The following NHEJ1 variants were observed in gnomAD, a reference collection of about 807,000 sequenced individuals.
NHEJ1 encodes non-homologous end joining factor 1, also known as non-homologous end-joining factor 1.
A neutral mutation model predicts 39.4 loss-of-function variants in NHEJ1; 22 were observed. The ratio of observed to expected loss-of-function variants is 0.56; its 90% CI spans 0.40 to 0.80. The LOEUF (loss-of-function observed/expected upper bound fraction) is 0.80, where lower values mean the gene tolerates loss of function less well. Ranked by LOEUF, NHEJ1 falls within the 30% of genes least tolerant of loss-of-function variation. The pLI is 0.00. For missense variants in NHEJ1, 329 were observed against 357.1 expected (o/e 0.92, Z 0.63); for synonymous variants, 154 against 135.6 (o/e 1.14, Z -0.94).
intron 5 of NHEJ1, among the ~76,000 whole-genome samples, chr2:219,103,397 TC>T (rs768629186): frequency 6.6e-6 from 1 of 151,966 alleles, no homozygotes; most frequent in Non-Finnish European, 1.5e-5. Context: ...TGTCTCAGAC[TC>T]CCAAGTAGCT....
At chr2:219,079,671 G>A (rs1379502497) in intron 5 of NHEJ1, among the ~76,000 whole-genome samples, 5 of 152,148 alleles carry the variant, frequency 3.3e-5, no homozygotes, top group Admixed American at 2.0e-4. Flanking sequence ...AGCATTCCCT[G>A]AGGAATGAAC....
At chr2:219,142,988 T>C (rs1003274765) in intron 5 of NHEJ1, among the ~76,000 whole-genome samples, 2 of 152,204 alleles carry the variant, frequency 1.3e-5, no homozygotes, top group African/African-American at 2.4e-5. Flanking sequence ...TCAATTCTTA[T>C]TTTCCCGAGC....
chr2:219,078,391 G>A (rs1949034011), intron 5 of NHEJ1, among the ~76,000 whole-genome samples, 185 bp from the exon 6 acceptor site: 1 of 152,214 alleles, frequency 6.6e-6, no homozygotes, highest in Non-Finnish European at 1.5e-5. Flanking sequence ...CATCTCCTCT[G>A]AAGGGCAACT....
chr2:219,155,245 T>C (rs1259045343), intron 3 of NHEJ1, among the ~76,000 whole-genome samples: 1 of 151,476 alleles, frequency 6.6e-6, no homozygotes, highest in East Asian at 1.9e-4. Context: ...CCCCTGGTGT[T>C]ACTTAGAAAG....
chr2:219,092,293 C>CAAAAAAAAAAA (rs58005993), intron 5 of NHEJ1, among the ~76,000 whole-genome samples: 1 of 111,980 alleles, frequency 8.9e-6, no homozygotes, highest in Non-Finnish European at 1.9e-5. Flanking sequence ...GACACTGCCT[C>CAAAAAAAAAAA]AAAAAAAAAA....
In NHEJ1 at chr2:219,157,469, T is replaced by TA; in HGVS notation, c.390+2dup. The TA allele has an allele frequency of 6.2e-7, 1 of 1,612,534 alleles. No homozygotes were observed. The highest frequency in any genetic ancestry group is 8.5e-7 in the Non-Finnish European group (1 of 1,179,284). ...CCCAACCCCACATTCGAATTACACTTACCAGGGAAGGACTAGCTAGCATGC... is the reference window on the plus strand; with the variant it reads ...CCCAACCCCACATTCGAATTACACTTAACCAGGGAAGGACTAGCTAGCATGC... On this transcript the variant is annotated splice_region_variant and intron_variant, in intron 3 of 7. Coordinates refer to ENST00000356853, the MANE Select transcript of NHEJ1 (RefSeq NM_024782.3).
intron 5 of NHEJ1, among the ~76,000 whole-genome samples, chr2:219,105,457 A>G (rs921961492): frequency 1.3e-5 from 2 of 152,220 alleles, no homozygotes; most frequent in Non-Finnish European, 2.9e-5. Flanking sequence ...TTGACAGCTC[A>G]CTAGACTGCA....
chr2:219,086,085 C>T (rs1949109023), intron 5 of NHEJ1, among the ~76,000 whole-genome samples: 1 of 152,168 alleles, frequency 6.6e-6, no homozygotes, highest in Non-Finnish European at 1.5e-5. Flanking sequence ...GTAAAATTAA[C>T]TTTGTAAATG....
intron 3 of NHEJ1, among the ~76,000 whole-genome samples, chr2:219,152,475 G>T (rs918219366): frequency 6.6e-6 from 1 of 151,886 alleles, no homozygotes; most frequent in Admixed American, 6.6e-5. Context: ...AAAAGATCAA[G>T]ATGAATCATA....
At position 219,074,880 on chromosome 2, in the gene NHEJ1, T is replaced by A. The variant is rs1948998215; in HGVS notation, c.*1501A>T. Among the ~76,000 whole-genome samples the A allele has an allele frequency of 6.6e-6, 1 of 152,068 alleles. No homozygotes were observed. The highest frequency in any genetic ancestry group is 1.9e-4 in the East Asian group (1 of 5,200). ...GTGGTCTGGGGGTAAAGAAAAGTTA[T>A]CAGCAGTGACTGGGAATGAGCCTTG... On this transcript the variant is annotated 3_prime_UTR_variant, in exon 8 of 8. Transcript: ENST00000356853.
rs778471968 is a variant in NHEJ1 at position 219,078,233 on chromosome 2, T to G, written c.589-27A>C. ...TGTAAGAGAGAGGAGATACTGTCATTGGTTACACTGTATTGCTAGAGAAGC... is the reference window on the plus strand; with the variant it reads ...TGTAAGAGAGAGGAGATACTGTCATGGGTTACACTGTATTGCTAGAGAAGC... On this transcript the variant is annotated intron_variant, in intron 5 of 7. Transcript: ENST00000356853. The G allele has an allele frequency of 1.9e-6, 3 of 1,564,706 alleles. No homozygotes were observed. The South Asian group carries it at 3.3e-5, about 17-fold the overall frequency.
chr2:219,107,005 G>A (rs1000705615), intron 5 of NHEJ1, among the ~76,000 whole-genome samples: 2 of 152,156 alleles, frequency 1.3e-5, no homozygotes, highest in African/African-American at 4.8e-5. Context: ...ACTTGAGTGG[G>A]CTTCAATGGT....
intron 5 of NHEJ1, among the ~76,000 whole-genome samples, chr2:219,083,393 A>G (rs954826835): frequency 6.6e-6 from 1 of 152,166 alleles, no homozygotes; most frequent in Admixed American, 6.5e-5. Flanking sequence ...ATAAAGGTTT[A>G]AAAAAGAAAG....
intron 5 of NHEJ1, among the ~76,000 whole-genome samples, chr2:219,139,930 T>G (rs1258453999): frequency 6.6e-6 from 1 of 152,222 alleles, no homozygotes; most frequent in Non-Finnish European, 1.5e-5. Context: ...CCATCTGCCT[T>G]GGCCTCCCAA....
intron 5 of NHEJ1, among the ~76,000 whole-genome samples, chr2:219,093,161 A>T (rs1052241117): frequency 1.2e-4 from 18 of 152,158 alleles, no homozygotes; most frequent in African/African-American, 4.3e-4. Flanking sequence ...ACAGCTGCTG[A>T]TTTCCATAAA....
At chr2:219,160,350 GA>G (rs1425276484) in intron 1 of NHEJ1, among the ~76,000 whole-genome samples, 2 of 152,130 alleles carry the variant, frequency 1.3e-5, no homozygotes, top group Non-Finnish European at 2.9e-5. Context: ...CCCACCCCAG[GA>G]GCCGCCAGGC....
chr2:219,094,533 T>C (rs967301524), intron 5 of NHEJ1, among the ~76,000 whole-genome samples: 1 of 152,206 alleles, frequency 6.6e-6, no homozygotes, highest in Admixed American at 6.5e-5. Flanking sequence ...GTTCAGAATC[T>C]CTTCATCCCT....
In NHEJ1 at chr2:219,080,550, A is replaced by AAT. The variant is rs543049110; in HGVS notation, c.589-2346_589-2345dup. Among the ~76,000 whole-genome samples, 429 of 136,376 alleles carry AAT rather than the reference A, an allele frequency of 3.1e-3. 4 individuals carry two copies. The highest frequency in any genetic ancestry group is 6.6e-3 in the East Asian group (33 of 5,000). The allele number at this position is 136,376 out of a possible 152,430, so 89.5% of individuals were successfully genotyped here. ...AAAAAAAAATAAATAAATAAATAAA[A>AAT]ATATATATATATATATATGCTTTTA... On this transcript the variant is annotated intron_variant, in intron 5 of 7. Transcript: ENST00000356853.
At chr2:219,085,392 T>C (rs530454144) in intron 5 of NHEJ1, among the ~76,000 whole-genome samples, 1 of 152,280 alleles carries the variant, frequency 6.6e-6, no homozygotes, top group East Asian at 1.9e-4. Flanking sequence ...AGTTCAGTGA[T>C]CAGAAACCTT....
Sources: allele counts gnomAD v4.1 joint callset (sites outside exome capture counted in the v4.1 genomes callset), GRCh38; gene constraint gnomAD v4.1.1; transcripts MANE v1.5; gene names NCBI Gene and HGNC (gene_info 2026-07-23, HGNC 2026-07-21).